The following TRIM5 variants were observed in gnomAD, a reference collection of about 807,000 sequenced individuals.
The protein encoded by TRIM5 is tripartite motif-containing protein 5.
A neutral mutation model predicts 35.6 loss-of-function variants in TRIM5; 31 were observed. The ratio of observed to expected loss-of-function variants is 0.87; its 90% CI spans 0.65 to 1.18. The LOEUF is 1.18. TRIM5 is among the 50% of genes most tolerant of loss of function. TRIM5 has a pLI of 0.00. For synonymous variants in TRIM5, 243 were observed against 215.6 expected, an observed-to-expected ratio of 1.13 and a Z score of -1.11; for missense variants, 609 against 591.6, an observed-to-expected ratio of 1.03 and a Z score of -0.31.
chr11:5,665,012 C>T lies in TRIM5; in HGVS notation c.1279G>A (p.Val427Met). ...SFHTPSVPFIVPLSVIICPDR... is the reference protein window; with the variant it reads ...SFHTPSVPFIMPLSVIICPDR... ...GGACAAATAATCACAGAGAGGGGCA[C>T]AATGAAAGGAACAGAAGGAGTATGG... Residue 427 changes from valine (V) to methionine (M), a missense_variant, in exon 8 of 8, where the codon GTG (valine) becomes ATG (methionine). Transcript: ENST00000380034. 1 of 1,614,056 alleles carries T rather than the reference C, an allele frequency of 6.2e-7. No individual in the cohort carries two copies. Among genetic ancestry groups the T allele is most frequent in the Non-Finnish European group, 8.5e-7 (1 of 1,180,020 alleles).
chr11:5,636,513 T>C, the TRIM5 span, among the ~76,000 whole-genome samples: 1 of 152,220 alleles, frequency 6.6e-6, no homozygotes, highest in African/African-American at 2.4e-5. Context: ...AATCTTATGG[T>C]ATTTGAACTA....
intron 4 of TRIM5, among the ~76,000 whole-genome samples, chr11:5,676,478 C>T (rs895220710): frequency 3.2e-4 from 49 of 152,256 alleles, no homozygotes; most frequent in Middle Eastern, 3.4e-3. Context: ...AATGGAAGAA[C>T]ATTCCATGCT....
chr11:5,671,219 C>G (rs550836103), intron 4 of TRIM5, among the ~76,000 whole-genome samples: 1 of 151,168 alleles, frequency 6.6e-6, no homozygotes, highest in East Asian at 1.9e-4. Flanking sequence ...GAGTGAGACT[C>G]TGTCTAAAAT....
At chr11:5,603,266 T>G in the TRIM5 span, 12 of 1,613,758 alleles carry the variant, frequency 7.4e-6, no homozygotes, top group East Asian at 2.7e-4. Flanking sequence ...GCAGGAAACA[T>G]CTTAGAAATC....
intron 6 of TRIM5, 119 bp downstream of exon 6, chr11:5,665,862 A>G: frequency 1.5e-6 from 2 of 1,313,758 alleles, no homozygotes; most frequent in Non-Finnish European, 2.1e-6. Flanking sequence ...TCAGCAGCAG[A>G]CAATATCTAT....
chr11:5,681,967 T>A (rs1454139207), intron 1 of TRIM5, among the ~76,000 whole-genome samples: 1 of 152,078 alleles, frequency 6.6e-6, no homozygotes, highest in African/African-American at 2.4e-5. Flanking sequence ...CCCGGCTAAT[T>A]TTTGTATTTT....
chr11:5,594,147 C>A, the TRIM5 span, among the ~76,000 whole-genome samples: 1 of 152,120 alleles, frequency 6.6e-6, no homozygotes, highest in African/African-American at 2.4e-5. Context: ...TTTTCGAGAC[C>A]CCTTGAATTA....
At chr11:5,601,560 T>C in the TRIM5 span, among the ~76,000 whole-genome samples, 97,785 of 151,810 alleles carry the variant, frequency 0.64, 31,589 homozygotes, top group Middle Eastern at 0.81. Context: ...GAGTTCGAGA[T>C]CAGCCTGGCC....
At chr11:5,655,836 G>A in the TRIM5 span, 1 of 282,808 alleles carries the variant, frequency 3.5e-6, no homozygotes, top group East Asian at 1.8e-4. Context: ...CAGAGCAGAG[G>A]CCTCAGAAAT....
the TRIM5 span, among the ~76,000 whole-genome samples, chr11:5,645,260 C>T: frequency 3.3e-5 from 5 of 151,982 alleles, no homozygotes; most frequent in East Asian, 1.9e-4. Flanking sequence ...GATGTGGTGG[C>T]GAGCCCCTGT....
At chr11:5,637,085 A>C in the TRIM5 span, among the ~76,000 whole-genome samples, 1 of 152,200 alleles carries the variant, frequency 6.6e-6, no homozygotes, top group Non-Finnish European at 1.5e-5. Context: ...AGGCAGGAGA[A>C]TGGTGTGAAC....
At chr11:5,634,879 A>G in the TRIM5 span, 45 of 1,606,280 alleles carry the variant, frequency 2.8e-5, no homozygotes, top group African/African-American at 4.5e-4. Flanking sequence ...GGTTCGCTCA[A>G]TCTGAGATTC....
At chr11:5,668,266 C>T (rs778025362) in intron 4 of TRIM5, among the ~76,000 whole-genome samples, 18 of 151,854 alleles carry the variant, frequency 1.2e-4, no homozygotes, top group Non-Finnish European at 2.5e-4. Flanking sequence ...CAGAGTAAGA[C>T]CCCACTTCTA....
chr11:5,608,686 G>A, the TRIM5 span, among the ~76,000 whole-genome samples: 1 of 151,616 alleles, frequency 6.6e-6, no homozygotes, highest in Non-Finnish European at 1.5e-5. Flanking sequence ...GGGAGACTCT[G>A]CCTCAAACAA....
the TRIM5 span, among the ~76,000 whole-genome samples, chr11:5,650,697 G>A: frequency 2.6e-5 from 4 of 152,292 alleles, no homozygotes; most frequent in Admixed American, 1.3e-4. Context: ...GCGCTACTGT[G>A]CACATCCAAA....
At chr11:5,596,792 GCGCTCTGTTC>G in the TRIM5 span, 1 of 1,575,208 alleles carries the variant, frequency 6.3e-7, no homozygotes, top group Non-Finnish European at 8.7e-7. Context: ...CCGAGTGAGC[GCGCTCTGTTC>G]CTTAAGATTA....
the TRIM5 span, among the ~76,000 whole-genome samples, chr11:5,616,075 C>G: frequency 4.0e-5 from 6 of 151,620 alleles, no homozygotes; most frequent in South Asian, 1.3e-3. Context: ...CTCAGCCTCC[C>G]GAGTAGCTGG....
the TRIM5 span, among the ~76,000 whole-genome samples, chr11:5,631,023 G>A: frequency 6.6e-6 from 1 of 152,204 alleles, no homozygotes; most frequent in Non-Finnish European, 1.5e-5. Context: ...CTCCCTTTAT[G>A]TATTGGGACA....
At chr11:5,669,543 C>T (rs920793172) in intron 4 of TRIM5, among the ~76,000 whole-genome samples, 10 of 152,162 alleles carry the variant, frequency 6.6e-5, no homozygotes, top group African/African-American at 2.4e-4. Context: ...ATAGCTGGAT[C>T]TACACATACA....
Sources: allele counts gnomAD v4.1 joint callset (sites outside exome capture counted in the v4.1 genomes callset), GRCh38; gene constraint gnomAD v4.1.1; transcripts MANE v1.5; gene names NCBI Gene and HGNC (gene_info 2026-07-23, HGNC 2026-07-21).